CSRNP3: variants seen among roughly 807,000 people sequenced by gnomAD.
CSRNP3 encodes cysteine and serine rich nuclear protein 3, also known as cysteine/serine-rich nuclear protein 3.
Under a neutral mutation model 48.0 loss-of-function variants are expected in CSRNP3, and 12 were observed. That is an observed-to-expected ratio of 0.25 (90% CI 0.16 to 0.41). CSRNP3 has a LOEUF of 0.41. Among genes scored for constraint, CSRNP3 ranks in the 10% least tolerant of loss-of-function variants. The pLI, the probability that CSRNP3 is intolerant of heterozygous loss-of-function variation, is 1.00. For missense variants in CSRNP3, 580 were observed against 724.4 expected, an observed-to-expected ratio of 0.80 and a Z score of 2.29; for synonymous variants, 263 against 269.7, an observed-to-expected ratio of 0.98 and a Z score of 0.24.
chr2:165,553,170 G>A (rs960573045), intron 3 of CSRNP3, among the ~76,000 whole-genome samples: 1 of 152,070 alleles, frequency 6.6e-6, no homozygotes, highest in Non-Finnish European at 1.5e-5. Context: ...AGCAGTCATT[G>A]TCTAGCCTCT....
At chr2:165,636,860 C>T (rs1376306987) in intron 4 of CSRNP3, among the ~76,000 whole-genome samples, 1 of 151,880 alleles carries the variant, frequency 6.6e-6, no homozygotes, top group Admixed American at 6.6e-5. Context: ...AATGCTAGAG[C>T]AAAACACATA....
At chr2:165,518,367 A>G (rs890227531) in intron 3 of CSRNP3, among the ~76,000 whole-genome samples, 2 of 152,088 alleles carry the variant, frequency 1.3e-5, no homozygotes, top group African/African-American at 2.4e-5. Context: ...GCTAATCAGC[A>G]ATCCTTCTGA....
In CSRNP3 at chr2:165,496,213, GATA is replaced by G. The variant is rs572547912; in HGVS notation, c.-113+1287_-113+1289del. Among the ~76,000 whole-genome samples the G allele has an allele frequency of 3.4e-3, 510 of 152,144 alleles. 2 individuals carry two copies. Among genetic ancestry groups the G allele is most frequent in the Middle Eastern group, 0.014 (4 of 294 alleles). On this transcript the variant is annotated intron_variant, in intron 2 of 6. Transcript: ENST00000651982. ...GAAAGTATTAAAAAAGTGAGGAGGAGATAAAAACACTTGCGAGAAGGGAAAACA... is the reference window on the plus strand; with the variant it reads ...GAAAGTATTAAAAAAGTGAGGAGGAGAAAACACTTGCGAGAAGGGAAAACA...
chr2:165,513,132 T>G (rs912652590), intron 2 of CSRNP3, among the ~76,000 whole-genome samples: 2 of 152,104 alleles, frequency 1.3e-5, no homozygotes, highest in African/African-American at 4.8e-5. Context: ...GGGTCAACTC[T>G]GCATAGAAGA....
At chr2:165,483,027 T>C (rs1684068419) in intron 1 of CSRNP3, among the ~76,000 whole-genome samples, 1 of 138,468 alleles carries the variant, frequency 7.2e-6, no homozygotes, top group South Asian at 2.2e-4. Context: ...CATACGTATA[T>C]GTGTGTGTGT....
At chr2:165,503,962 C>G (rs991741824) in intron 2 of CSRNP3, among the ~76,000 whole-genome samples, 5 of 151,832 alleles carry the variant, frequency 3.3e-5, no homozygotes, top group African/African-American at 1.2e-4. Flanking sequence ...AAAGTTGTAT[C>G]AGAATCTTAA....
At chr2:165,511,697 G>A (rs1684508089) in intron 2 of CSRNP3, among the ~76,000 whole-genome samples, 1 of 152,156 alleles carries the variant, frequency 6.6e-6, no homozygotes, top group African/African-American at 2.4e-5. Context: ...TGGTTGAAGA[G>A]GCAAAGGTGT....
intron 4 of CSRNP3, among the ~76,000 whole-genome samples, chr2:165,649,418 T>C (rs1686869370): frequency 6.6e-6 from 1 of 152,208 alleles, no homozygotes; most frequent in Non-Finnish European, 1.5e-5. Context: ...CCTAATCCTA[T>C]GTATGAATTA....
Position 165,520,824 on chromosome 2 carries a change from T to C in CSRNP3, c.-24+2863T>C, listed in dbSNP as rs1412832038. 1.9e-4 allele frequency among the ~76,000 whole-genome samples: 19 copies of C among 100,912 alleles called. 1 individual carries two copies. The highest frequency in any genetic ancestry group is 1.9e-3 in the Admixed American group (16 of 8,572). 66.2% of individuals were successfully genotyped at this position (100,912 alleles called of 152,430 possible). A position where few individuals can be genotyped will look rare whatever the true frequency, so the allele number is the denominator to read the frequency against. ...ATATATATATATATATATATATATA[T>C]ATACATATTTTTTTTTCCTTTGAGA... is the stretch of plus-strand genomic sequence containing the variant. On this transcript the variant is annotated intron_variant, in intron 3 of 6. Transcript: ENST00000651982.
chr2:165,511,651 T>G (rs938758032), intron 2 of CSRNP3, among the ~76,000 whole-genome samples: 1 of 152,104 alleles, frequency 6.6e-6, no homozygotes, highest in Admixed American at 6.5e-5. Context: ...AGCAGTATCA[T>G]GAACTGAGAG....
intron 2 of CSRNP3, among the ~76,000 whole-genome samples, chr2:165,500,738 G>A (rs1032461227): frequency 6.6e-6 from 1 of 151,966 alleles, no homozygotes; most frequent in Non-Finnish European, 1.5e-5. Flanking sequence ...GATTACAGGC[G>A]TGAACCACCG....
intron 1 of CSRNP3, among the ~76,000 whole-genome samples, chr2:165,487,803 C>A (rs1437339019): frequency 6.6e-6 from 1 of 150,480 alleles, no homozygotes; most frequent in Non-Finnish European, 1.5e-5. Context: ...AAGTGCTAAA[C>A]ATGGAAAGGA....
chr2:165,650,935 C>G (rs2105341502), intron 4 of CSRNP3, among the ~76,000 whole-genome samples: 1 of 152,314 alleles, frequency 6.6e-6, no homozygotes, highest in East Asian at 1.9e-4. Context: ...TGAAACTAGA[C>G]CATAAACTTT....
chr2:165,592,671 T>C (rs746673555), intron 3 of CSRNP3, among the ~76,000 whole-genome samples: 16 of 152,180 alleles, frequency 1.1e-4, no homozygotes, highest in Non-Finnish European at 2.4e-4. Flanking sequence ...AGGGGCTTTT[T>C]CCCTTTTTCT....
intron 4 of CSRNP3, among the ~76,000 whole-genome samples, chr2:165,653,226 T>C (rs1686943800): frequency 6.6e-6 from 1 of 152,232 alleles, no homozygotes; most frequent in Admixed American, 6.5e-5. Flanking sequence ...AAAGCCACAC[T>C]TATAATATCC....
chr2:165,545,725 C>T (rs1335678691), intron 3 of CSRNP3, among the ~76,000 whole-genome samples: 1 of 151,768 alleles, frequency 6.6e-6, no homozygotes, highest in African/African-American at 2.4e-5. Context: ...ATTTGCTAAC[C>T]GATTTGGTGA....
intron 3 of CSRNP3, among the ~76,000 whole-genome samples, chr2:165,591,387 A>C (rs1307696499): frequency 6.6e-6 from 1 of 152,162 alleles, no homozygotes; most frequent in Non-Finnish European, 1.5e-5. Context: ...AGAAAAGAAA[A>C]ACCCATTTAC....
intron 4 of CSRNP3, among the ~76,000 whole-genome samples, chr2:165,603,546 C>T (rs1386003628): frequency 1.3e-5 from 2 of 151,848 alleles, no homozygotes; most frequent in African/African-American, 4.8e-5. Context: ...TTTTTTTTAA[C>T]CTCATCTCTT....
intron 3 of CSRNP3, among the ~76,000 whole-genome samples, chr2:165,538,820 A>T (rs2105250309): frequency 6.6e-6 from 1 of 152,060 alleles, no homozygotes; most frequent in Middle Eastern, 3.4e-3. Context: ...ACACTGTCTT[A>T]GAGATACACT....
Sources: gnomAD v4.1 joint callset for allele counts (sites outside exome capture counted in the v4.1 genomes callset) on GRCh38, gnomAD v4.1.1 for gene constraint, MANE v1.5 for transcripts, NCBI Gene and HGNC (gene_info 2026-07-23, HGNC 2026-07-21) for gene names.